The following ZFHX3 variants were observed in gnomAD, a reference collection of about 807,000 sequenced individuals.
ZFHX3 encodes zinc finger homeobox 3.
A neutral mutation model predicts 279.1 loss-of-function variants in ZFHX3; 42 were observed. The observed-to-expected ratio is 0.15, with a 90% CI of 0.12 to 0.19. The LOEUF is 0.19. Among genes scored for constraint, ZFHX3 ranks in the 10% least tolerant of loss-of-function variants. The pLI is 1.00. For synonymous variants in ZFHX3, 2,293 were observed against 1,957.8 expected (o/e 1.17, Z -4.52); for missense variants, 4,981 against 4,754.0 (o/e 1.05, Z -1.40).
intron 2 of ZFHX3, among the ~76,000 whole-genome samples, chr16:73,654,824 G>A (rs1475217701): frequency 6.7e-6 from 1 of 149,016 alleles, no homozygotes; most frequent in Non-Finnish European, 1.5e-5. Context: ...AAAAACAATA[G>A]GTTATCTCTC....
At position 73,633,888 on chromosome 16, in the gene ZFHX3, A is replaced by G. The variant is rs542201293; in HGVS notation, c.-1547+46292T>C. ...ACTCCAGCCCGGGCGACAGAGCAAG[A>G]CTCCATCACAAAAAAAAAAAGGCTT... On this transcript the variant is annotated intron_variant, in intron 2 of 17. Transcript: ENST00000641206. 9.3e-5 allele frequency among the ~76,000 whole-genome samples: 14 copies of G among 150,586 alleles called. No individual in the cohort carries two copies. In the South Asian group the frequency reaches 2.9e-3, roughly 32 times the overall value.
chr16:73,469,167 C>G (rs914650849), intron 2 of ZFHX3, among the ~76,000 whole-genome samples: 3 of 152,186 alleles, frequency 2.0e-5, no homozygotes, highest in African/African-American at 7.2e-5. Context: ...ATAATCTGAA[C>G]CTTGGAAAGG....
chr16:73,018,134 C>G (rs927934353), intron 1 of ZFHX3, among the ~76,000 whole-genome samples: 53 of 151,722 alleles, frequency 3.5e-4, no homozygotes, highest in Admixed American at 2.2e-3. Context: ...TACAGGCATG[C>G]GCCATCACAC....
In ZFHX3 at chr16:72,865,249, T is replaced by C. The variant is rs766832427; in HGVS notation, c.3448+24482A>G. Reference sequence around the variant, plus strand: ...GCAGGGCACAAGACTGAGGACTCAGTTGAGAACCAGGTAAGGTCAGAAAGG... The same window carrying C: ...GCAGGGCACAAGACTGAGGACTCAGCTGAGAACCAGGTAAGGTCAGAAAGG... On this transcript the variant is annotated intron_variant, in intron 4 of 9. Transcript: ENST00000268489. Among the ~76,000 whole-genome samples, 14 of 152,120 alleles carry C rather than the reference T, an allele frequency of 9.2e-5. No individual in the cohort carries two copies. In the South Asian group the frequency reaches 2.3e-3, roughly 25 times the overall value.
At chr16:73,735,498 T>C (rs1257662652) in intron 1 of ZFHX3, among the ~76,000 whole-genome samples, 1 of 151,622 alleles carries the variant, frequency 6.6e-6, no homozygotes, top group Non-Finnish European at 1.5e-5. Context: ...AGTGGAATCA[T>C]ACGGTTACAA....
At chr16:73,333,766 T>C (rs1241422872) in intron 3 of ZFHX3, among the ~76,000 whole-genome samples, 1 of 128,008 alleles carries the variant, frequency 7.8e-6, no homozygotes, top group South Asian at 2.3e-4. Context: ...ACAAATCAGA[T>C]GTGGGATGAG....
Position 72,787,433 on chromosome 16 carries a change from T to TCC in ZFHX3, c.10841_10842dup (p.Lys3615GlyfsTer80). The TCC allele has an allele frequency of 7.1e-7, 1 of 1,398,978 alleles. No homozygotes were observed. The highest frequency in any genetic ancestry group is 3.9e-5 in the East Asian group (1 of 25,688). The allele number at this position is 1,398,978 out of a possible 1,614,324, so 86.7% of individuals were successfully genotyped here. ...CGGGAGACCACTTGCGGCCAAGACT[T>TCC]CCTGGAGGCGTGGGGGGAAGCGGAG... On this transcript the variant is annotated frameshift_variant, in exon 10 of 10. Transcript: ENST00000268489. LOFTEE classifies it high-confidence loss of function.
intron 3 of ZFHX3, among the ~76,000 whole-genome samples, chr16:73,426,871 C>T (rs907432621): frequency 6.6e-6 from 1 of 152,142 alleles, no homozygotes; most frequent in Admixed American, 6.5e-5. Flanking sequence ...AAGTCAGTGC[C>T]TTTTCCTTCC....
intron 2 of ZFHX3, among the ~76,000 whole-genome samples, chr16:73,530,779 T>C (rs892938511): frequency 3.9e-5 from 6 of 152,198 alleles, no homozygotes; most frequent in African/African-American, 1.4e-4. Flanking sequence ...CTTATCTATA[T>C]TATCTTTATA....
At chr16:73,305,626 A>C (rs58110930) in intron 4 of ZFHX3, among the ~76,000 whole-genome samples, 16,449 of 151,738 alleles carry the variant, frequency 0.11, 911 homozygotes, top group African/African-American at 0.11. Context: ...CTTCAGACCA[A>C]TCAGCAGACC....
Position 73,416,648 on chromosome 16 carries a change from T to C in ZFHX3, c.-1291+39355A>G, listed in dbSNP as rs181037688. Reference sequence around the variant, plus strand: ...CAGCACTTTGGGAGGCCGAGGCGGGTGGACCACGAGGTCAGGAGATCGAGA... The same window carrying C: ...CAGCACTTTGGGAGGCCGAGGCGGGCGGACCACGAGGTCAGGAGATCGAGA... On this transcript the variant is annotated intron_variant, in intron 3 of 17. Transcript: ENST00000641206. 3.6e-3 allele frequency among the ~76,000 whole-genome samples: 547 copies of C among 151,926 alleles called. 4 individuals are homozygous for C. The highest frequency in any genetic ancestry group is 0.012 in the African/African-American group (512 of 41,434).
intron 2 of ZFHX3, among the ~76,000 whole-genome samples, chr16:73,547,301 GAAGA>G (rs570324758): frequency 1.8e-4 from 28 of 151,972 alleles, no homozygotes; most frequent in Non-Finnish European, 1.2e-4. Flanking sequence ...CGAAGGAAAG[GAAGA>G]AAGAAAGAAA....
chr16:73,150,578 A>G lies in ZFHX3; in HGVS notation c.-1103-6747T>C, dbSNP rs977493127. On this transcript the variant is annotated intron_variant, in intron 5 of 17. Transcript: ENST00000641206. ...TAGTTTCTGTTTTGGAGTGCCTTAGAAGATAACAGGATATAAACATAAAAG... is the reference window on the plus strand; with the variant it reads ...TAGTTTCTGTTTTGGAGTGCCTTAGGAGATAACAGGATATAAACATAAAAG... Among the ~76,000 whole-genome samples the G allele has an allele frequency of 2.6e-5, 4 of 152,358 alleles. No homozygotes were observed. In the South Asian group the frequency reaches 8.3e-4, roughly 32 times the overall value.
chr16:73,659,500 C>T (rs191480666), intron 2 of ZFHX3, among the ~76,000 whole-genome samples: 1 of 152,062 alleles, frequency 6.6e-6, no homozygotes, highest in Non-Finnish European at 1.5e-5. Flanking sequence ...CTAAATGTTA[C>T]CCTCAGAGAT....
At chr16:73,646,725 G>A (rs1254680365) in intron 2 of ZFHX3, among the ~76,000 whole-genome samples, 1 of 152,148 alleles carries the variant, frequency 6.6e-6, no homozygotes, top group Non-Finnish European at 1.5e-5. Context: ...TGAAATGAAA[G>A]ATTGTCTAAG....
intron 1 of ZFHX3, among the ~76,000 whole-genome samples, chr16:73,865,600 G>A (rs1961994534): frequency 6.6e-6 from 1 of 152,050 alleles, no homozygotes; most frequent in Admixed American, 6.6e-5. Flanking sequence ...TCCCAGTTCT[G>A]GGCCATTGGC....
At chr16:73,684,760 G>A (rs2053061948) in intron 1 of ZFHX3, among the ~76,000 whole-genome samples, 1 of 149,966 alleles carries the variant, frequency 6.7e-6, no homozygotes, top group African/African-American at 2.5e-5. Flanking sequence ...AAGTGCAGTG[G>A]CATGATCTCA....
At chr16:73,801,028 C>G (rs1249480010) in intron 1 of ZFHX3, among the ~76,000 whole-genome samples, 1 of 152,154 alleles carries the variant, frequency 6.6e-6, no homozygotes, top group African/African-American at 2.4e-5. Flanking sequence ...ATGAGCAAAA[C>G]CAACAGCATT....
At chr16:73,708,043 G>C (rs78527000) in intron 1 of ZFHX3, among the ~76,000 whole-genome samples, 3 of 147,220 alleles carry the variant, frequency 2.0e-5, no homozygotes, top group African/African-American at 7.5e-5. Context: ...TGTGGTTTTT[G>C]TGGTACATTT....
Sources: allele counts gnomAD v4.1 joint callset (sites outside exome capture counted in the v4.1 genomes callset), GRCh38; gene constraint gnomAD v4.1.1; transcripts MANE v1.5; gene names NCBI Gene and HGNC (gene_info 2026-07-23, HGNC 2026-07-21).